Variants in NRP2 observed in about 807,000 individuals in gnomAD.
NRP2 encodes the protein neuropilin-2.
NRP2 carries 52 observed loss-of-function variants against 110.4 expected under a neutral mutation model. The ratio of observed to expected loss-of-function variants is 0.47; its 90% confidence interval spans 0.38 to 0.59. The LOEUF (loss-of-function observed/expected upper bound fraction) is 0.59, where lower values mean the gene tolerates loss of function less well. Among genes scored for constraint, NRP2 ranks in the 20% least tolerant of loss-of-function variants. The pLI, the probability that NRP2 is intolerant of heterozygous loss-of-function variation, is 0.00. For synonymous variants in NRP2, 508 were observed against 468.9 expected, an observed-to-expected ratio of 1.08 and a Z score of -1.08; for missense variants, 1,049 against 1,203.0, an observed-to-expected ratio of 0.87 and a Z score of 1.89.
chr2:205,749,789 C>T lies in NRP2; in HGVS notation c.1851C>T (p.Tyr617=), dbSNP rs772337898. Residue 617 remains tyrosine, a synonymous_variant, in exon 11 of 17, where the codon TAC becomes TAT. Transcript: ENST00000357785. ...TVKSEETTTP[Y]PTEEEATECG... ...AGAGCGAAGAGACAACCACCCCCTA[C>T]CCCACCGAAGAGGAGGCCACAGAGT... The T allele has an allele frequency of 5.0e-6, 8 of 1,614,156 alleles. No homozygotes were observed. The African/African-American group carries it at 9.3e-5, about 19-fold the overall frequency.
At chr2:205,697,052 G>C (rs1398001778) in intron 1 of NRP2, among the ~76,000 whole-genome samples, 1 of 152,144 alleles carries the variant, frequency 6.6e-6, no homozygotes, top group Admixed American at 6.5e-5. Flanking sequence ...CTCGCTTGTG[G>C]GTCGGCACCA....
At chr2:205,778,603 C>T (rs1315552699) in intron 15 of NRP2, 4 of 152,180 alleles carry the variant, frequency 2.6e-5, no homozygotes, top group Non-Finnish European at 5.9e-5. Flanking sequence ...CCAGGCATGC[C>T]TGCGAAATGA....
chr2:205,736,142 GACCA>G (rs2105851946), intron 7 of NRP2, among the ~76,000 whole-genome samples: 1 of 152,280 alleles, frequency 6.6e-6, no homozygotes, highest in African/African-American at 2.4e-5. Context: ...AGGAGTTCAA[GACCA>G]GCCTGGCCAA....
At chr2:205,727,789 C>T (rs2057155613) in intron 6 of NRP2, 102 bp from the exon 7 acceptor site, 2 of 1,167,288 alleles carry the variant, frequency 1.7e-6, no homozygotes, top group East Asian at 2.6e-5. Context: ...ATCACAGATA[C>T]AGGTTGGAAG....
intron 2 of NRP2, among the ~76,000 whole-genome samples, chr2:205,713,765 T>G (rs1315018873): frequency 6.6e-6 from 1 of 152,236 alleles, no homozygotes; most frequent in Non-Finnish European, 1.5e-5. Context: ...CGGTTGGGCT[T>G]TGAAACCATT....
chr2:205,713,525 G>A (rs965700510), intron 2 of NRP2, among the ~76,000 whole-genome samples: 4 of 152,064 alleles, frequency 2.6e-5, no homozygotes, highest in African/African-American at 4.8e-5. Context: ...CATGTCTGTC[G>A]CCATTGTTCA....
At chr2:205,776,002 C>T (rs2058090945) in intron 15 of NRP2, 2 of 685,022 alleles carry the variant, frequency 2.9e-6, no homozygotes, top group Non-Finnish European at 5.4e-6. Context: ...AACCTCTCTC[C>T]ACCTCTGTTT....
chr2:205,700,253 A>C (rs955290992), intron 2 of NRP2, among the ~76,000 whole-genome samples: 1 of 152,182 alleles, frequency 6.6e-6, no homozygotes, highest in African/African-American at 2.4e-5. Flanking sequence ...CTCACTCTCC[A>C]AGGAAATTAG....
intron 1 of NRP2, among the ~76,000 whole-genome samples, chr2:205,687,312 T>G (rs1217536156): frequency 6.6e-6 from 1 of 152,180 alleles, no homozygotes. Context: ...CCCCAAAATG[T>G]GAGATGGCCA....
Position 205,745,872 on chromosome 2 carries a change from C to T in NRP2, c.1768C>T (p.Leu590=). 6.2e-7 allele frequency: 1 copy of T among 1,614,202 alleles called. No individual in the cohort carries two copies. Among genetic ancestry groups the T allele is most frequent in the Admixed American group, 1.7e-5 (1 of 60,030 alleles). ...PAGIGMRLEV[L]GCDWTDSKPT... is the part of the protein sequence containing the mutation. ...GGGGATTGGGATGCGGCTGGAGGTG[C>T]TGGGCTGTGACTGGACAGGTAAGAT... The change falls in exon 10 of 17, where the codon CTG becomes TTG. Residue 590 remains leucine (L), a synonymous_variant. Coordinates refer to ENST00000357785, the MANE Select transcript of NRP2 (RefSeq NM_003872.3).
chr2:205,733,435 T>C (rs991399418), intron 7 of NRP2, among the ~76,000 whole-genome samples: 1 of 152,102 alleles, frequency 6.6e-6, no homozygotes, highest in South Asian at 2.1e-4. Flanking sequence ...CAACCCCAAC[T>C]AATGTAGATG....
chr2:205,758,727 A>G (rs1260126587), intron 12 of NRP2, among the ~76,000 whole-genome samples: 1 of 152,142 alleles, frequency 6.6e-6, no homozygotes, highest in Non-Finnish European at 1.5e-5. Flanking sequence ...TATTTCTTCA[A>G]TCTCTTTCAG....
chr2:205,745,778 T>G lies in NRP2; in HGVS notation c.1674T>G (p.Pro558=), dbSNP rs849563. Residue 558 remains proline (P), a synonymous_variant, in exon 10 of 17, where the codon CCT becomes CCG. Coordinates refer to ENST00000357785, the MANE Select transcript of NRP2 (RefSeq NM_003872.3). The part of the protein sequence containing the change: ...LFEGNMHYDT[P]DIRRFDPIPA... ...AAGGGAACATGCACTATGACACCCC[T>G]GACATCCGAAGGTTTGACCCCATTC... 0.16 allele frequency: 253,196 copies of G among 1,614,010 alleles called. 23,123 individuals carry two copies. The highest frequency in any genetic ancestry group is 0.47 in the East Asian group (21,202 of 44,862).
chr2:205,769,257 T>C (rs2105930903), intron 15 of NRP2, among the ~76,000 whole-genome samples: 1 of 152,340 alleles, frequency 6.6e-6, no homozygotes, highest in Middle Eastern at 3.4e-3. Flanking sequence ...TAGAGTGTTT[T>C]TCTTTTCCCT....
intron 15 of NRP2, among the ~76,000 whole-genome samples, chr2:205,787,850 G>A (rs902506105): frequency 1.3e-5 from 2 of 152,102 alleles, no homozygotes; most frequent in Non-Finnish European, 2.9e-5. Flanking sequence ...TTTCCAGGCA[G>A]CAGGTTGGAG....
At chr2:205,737,481 A>C (rs534421840) in intron 7 of NRP2, among the ~76,000 whole-genome samples, 3 of 152,316 alleles carry the variant, frequency 2.0e-5, no homozygotes, top group African/African-American at 7.2e-5. Flanking sequence ...TTAGCCGCAG[A>C]GCACAGCTCC....
chr2:205,683,641 C>T (rs567495767), intron 1 of NRP2, among the ~76,000 whole-genome samples: 3 of 152,112 alleles, frequency 2.0e-5, no homozygotes, highest in Non-Finnish European at 4.4e-5. Context: ...TGGACTGAAT[C>T]AAAGGTTTAA....
At chr2:205,685,247 C>A (rs1479482515) in intron 1 of NRP2, among the ~76,000 whole-genome samples, 1 of 152,206 alleles carries the variant, frequency 6.6e-6, no homozygotes, top group African/African-American at 2.4e-5. Context: ...TCGGGGCAAC[C>A]TCGGACCCGG....
intron 1 of NRP2, among the ~76,000 whole-genome samples, chr2:205,695,706 G>A (rs1026119345): frequency 3.3e-5 from 5 of 152,172 alleles, no homozygotes; most frequent in African/African-American, 7.2e-5. Flanking sequence ...TGCTAGTTGA[G>A]TAAGAGCAGC....
Sources: allele counts gnomAD v4.1 joint callset (sites outside exome capture counted in the v4.1 genomes callset), GRCh38; gene constraint gnomAD v4.1.1; transcripts MANE v1.5; gene names NCBI Gene and HGNC (gene_info 2026-07-23, HGNC 2026-07-21).